The following ATM variants were observed in gnomAD, a reference collection of about 807,000 sequenced individuals.
The protein encoded by ATM is ATM serine/threonine kinase, also known as serine-protein kinase ATM.
In ATM, 308 loss-of-function variants were observed where a neutral mutation model predicts 387.0. The observed-to-expected ratio is 0.80, with a 90% confidence interval of 0.73 to 0.87. The LOEUF (loss-of-function observed/expected upper bound fraction) is 0.87. ATM is among the 40% of genes least tolerant of loss of function. ATM has a pLI of 0.00. For synonymous variants in ATM, 1,156 were observed against 1,187.3 expected (o/e 0.97, Z 0.54); for missense variants, 3,312 against 3,560.9 (o/e 0.93, Z 1.78).
intron 33 of ATM, among the ~76,000 whole-genome samples, chr11:108,299,211 G>A (rs1422157511): frequency 1.3e-5 from 2 of 152,168 alleles, no homozygotes; most frequent in Middle Eastern, 3.4e-3. Context: ...AAAAAAATGT[G>A]TATTTGTATG....
intron 54 of ATM, among the ~76,000 whole-genome samples, chr11:108,334,323 T>C (rs1417839680): frequency 6.6e-6 from 1 of 152,218 alleles, no homozygotes; most frequent in East Asian, 1.9e-4. Flanking sequence ...TTAAAAATTC[T>C]ATGTGCAGTA....
At chr11:108,227,974 T>A (rs942970816) in intron 3 of ATM, 86 bp downstream of exon 3, 1 of 1,176,622 alleles carries the variant, frequency 8.5e-7, no homozygotes, top group Non-Finnish European at 1.2e-6. Flanking sequence ...GTGTAAGTCT[T>A]AACATTTATC....
intron 32 of ATM, among the ~76,000 whole-genome samples, chr11:108,296,548 G>T (rs981556248): frequency 1.3e-5 from 2 of 152,040 alleles, no homozygotes; most frequent in Non-Finnish European, 2.9e-5. Flanking sequence ...CACCACGCCT[G>T]GCCTAATTTC....
chr11:108,321,049 T>TG (rs1365614158), intron 44 of ATM, among the ~76,000 whole-genome samples: 1 of 152,204 alleles, frequency 6.6e-6, no homozygotes, highest in Non-Finnish European at 1.5e-5. Flanking sequence ...GAGGAAGGGT[T>TG]GGTCTTGCTA....
intron 5 of ATM, among the ~76,000 whole-genome samples, chr11:108,243,326 G>C (rs1364477383): frequency 6.6e-6 from 1 of 151,644 alleles, no homozygotes; most frequent in Non-Finnish European, 1.5e-5. Context: ...TTAAAAAACT[G>C]TGGAGGCCAG....
At chr11:108,251,685 A>G in intron 10 of ATM, 152 bp from the exon 11 acceptor site, 1 of 762,144 alleles carries the variant, frequency 1.3e-6, no homozygotes, top group Non-Finnish European at 2.2e-6. Context: ...TTTTTTAATC[A>G]AGAATCTTCC....
In ATM at chr11:108,335,951, G is replaced by A. The variant is rs1284049490; in HGVS notation, c.8258G>A (p.Cys2753Tyr). ...ACTAGGAAGAGGAAATTAACTATCT[G>A]TACTTATAAGGTAACTATTTGTACT... Reference protein sequence around the residue: ...TETRKRKLTICTYKVVPLSQR... With the variant: ...TETRKRKLTIYTYKVVPLSQR... The change falls in exon 56 of 63, where the codon TGT becomes TAT. Residue 2753 changes from cysteine (C) to tyrosine (Y), a missense_variant. This residue lies in a region of ATM where 1,405 missense variants were observed against 1,604.4 expected (regional missense o/e 0.88). Coordinates refer to ENST00000675843, the MANE Select transcript of ATM (RefSeq NM_000051.4). 6.2e-7 allele frequency: 1 copy of A among 1,606,840 alleles called. No homozygotes were observed. The highest frequency in any genetic ancestry group is 8.5e-7 in the Non-Finnish European group (1 of 1,173,632).
intron 25 of ATM, among the ~76,000 whole-genome samples, 155 bp downstream of exon 25, chr11:108,283,034 A>G (rs55840548): frequency 4.6e-5 from 7 of 152,344 alleles, no homozygotes; most frequent in African/African-American, 1.7e-4. Flanking sequence ...TTCTTTTAAT[A>G]AGAATGTATT....
At chr11:108,310,089 A>G (rs3218701) in intron 38 of ATM, 71 bp from the exon 39 acceptor site, 7 of 1,513,340 alleles carry the variant, frequency 4.6e-6, no homozygotes, top group South Asian at 4.6e-5. Flanking sequence ...ATTGTATTCT[A>G]TATCAACATG....
chr11:108,252,786 T>C, intron 11 of ATM, 31 bp from the exon 12 acceptor site: 1 of 1,478,296 alleles, frequency 6.8e-7, no homozygotes, highest in Non-Finnish European at 9.4e-7. Context: ...CTTTTGGTCT[T>C]CTAAGTGAAG....
intron 22 of ATM, among the ~76,000 whole-genome samples, chr11:108,278,048 A>C (rs906165578): frequency 6.6e-6 from 1 of 152,214 alleles, no homozygotes; most frequent in Non-Finnish European, 1.5e-5. Context: ...ACTTGAAAAA[A>C]AATTACATGA....
chr11:108,272,767 G>T lies in ATM; in HGVS notation c.3199G>T (p.Asp1067Tyr), dbSNP rs766342338. 6.2e-7 allele frequency: 1 copy of T among 1,614,022 alleles called. No individual in the cohort carries two copies. The highest frequency in any genetic ancestry group is 1.7e-5 in the Admixed American group (1 of 60,016). Residue 1067 changes from aspartate to tyrosine, a missense_variant, in exon 22 of 63, where the codon GAC becomes TAC. By Grantham distance (160) the Asp-to-Tyr change is radical. Transcript: ENST00000675843. ...GGCCATTCTTAATGTAATGGGAAAA[G>T]ACTTTCCTGTAAATGAAGTATTTAC... ...KWAILNVMGK[D>Y]FPVNEVFTQF...
In ATM at chr11:108,316,093, C is replaced by T. The variant is rs587778078; in HGVS notation, c.6178C>T (p.Arg2060Cys). 4.0e-5 allele frequency: 64 copies of T among 1,613,924 alleles called. No individual in the cohort carries two copies. The highest frequency in any genetic ancestry group is 4.7e-5 in the Non-Finnish European group (55 of 1,179,966). ...DLETAIPSST[R>C]QAGIIQALQN... is the part of the protein sequence containing the mutation. ...CGAAACAGCAATCCCCTCATCAACA[C>T]GCCAGGCAGGAATCATTCAGGTACA... Residue 2060 changes from arginine (R) to cysteine (C), a missense_variant, in exon 42 of 63, where the codon CGC becomes TGC. Coordinates refer to ENST00000675843, the MANE Select transcript of ATM (RefSeq NM_000051.4).
rs1459299108 is a variant in ATM, at chr11:108,256,291, T to TC, written c.2201_2202insC (p.Ile735AsnfsTer3). 1 of 1,611,430 alleles carries TC rather than the reference T, an allele frequency of 6.2e-7. No homozygotes were observed. The highest frequency in any genetic ancestry group is 8.5e-7 in the Non-Finnish European group (1 of 1,178,238). On this transcript the variant is annotated frameshift_variant, in exon 14 of 63. Transcript: ENST00000675843. LOFTEE classifies it high-confidence loss of function. Reference sequence around the variant, plus strand: ...CTTGGCTGCTACTGTTACATGGGTGTAATAGCTGAAGAGGAAGCATATAAG... The same window carrying TC: ...CTTGGCTGCTACTGTTACATGGGTGTCAATAGCTGAAGAGGAAGCATATAAG...
At chr11:108,256,663 C>G (rs56090312) in intron 14 of ATM, among the ~76,000 whole-genome samples, 3 of 152,092 alleles carry the variant, frequency 2.0e-5, no homozygotes, top group African/African-American at 7.2e-5. Context: ...GTTATCCCTC[C>G]CCTAGCCCCC....
chr11:108,271,035 C>T (rs768437069), intron 18 of ATM, 29 bp from the exon 19 acceptor site: 15 of 1,578,866 alleles, frequency 9.5e-6, no homozygotes, highest in Non-Finnish European at 1.3e-5. Context: ...TGTGGATAAA[C>T]CTGATTTTTT....
rs876659487 is a variant in ATM, at chr11:108,307,959, G to C, written c.5737G>C (p.Val1913Leu). The C allele has an allele frequency of 6.2e-7, 1 of 1,613,598 alleles. No homozygotes were observed. Among genetic ancestry groups the C allele is most frequent in the South Asian group, 1.1e-5 (1 of 91,066 alleles). Residue 1913 changes from valine to leucine, a missense_variant, in exon 38 of 63, where the codon GTG (valine) becomes CTG (leucine). Transcript: ENST00000675843. ...KKSQRTMLAV[V>L]DYMRRQKRPS... Reference sequence around the variant, plus strand: ...ATCACAAAGAACAATGCTTGCTGTTGTGGACTACATGAGAAGACAAAAGAG... The same window carrying C: ...ATCACAAAGAACAATGCTTGCTGTTCTGGACTACATGAGAAGACAAAAGAG...
intron 18 of ATM, among the ~76,000 whole-genome samples, chr11:108,268,931 C>G (rs1229500612): frequency 2.6e-5 from 4 of 152,134 alleles, no homozygotes; most frequent in African/African-American, 4.8e-5. Context: ...GAAGTTGGAA[C>G]CTTGCCTTTG....
Position 108,331,919 on chromosome 11 carries a change from T to C in ATM, c.7670T>C (p.Leu2557Ser). 1 of 1,614,018 alleles carries C rather than the reference T, an allele frequency of 6.2e-7. No individual in the cohort carries two copies. The highest frequency in any genetic ancestry group is 8.5e-7 in the Non-Finnish European group (1 of 1,179,914). The part of the protein sequence containing the change: ...RISMDHPHHT[L>S]FIILALANAN... ...TCAATGGATCACCCCCATCACACTT[T>C]GTTTATTATACTGGCCTTAGCAAAT... The change falls in exon 52 of 63, where the codon TTG becomes TCG. Residue 2557 changes from leucine (L) to serine (S), a missense_variant. This residue lies in a region of ATM where 1,405 missense variants were observed against 1,604.4 expected (regional missense o/e 0.88). Transcript: ENST00000675843.
Sources: gnomAD v4.1 joint callset for allele counts (sites outside exome capture counted in the v4.1 genomes callset) on GRCh38, gnomAD v4.1.1 for gene constraint, gnomAD v4.1.1 regional missense constraint, MANE v1.5 for transcripts, NCBI Gene and HGNC (gene_info 2026-07-23, HGNC 2026-07-21) for gene names.